Variants in ARSB observed in about 807,000 individuals in gnomAD.
ARSB encodes N-acetylgalactosamine-4-sulfatase.
ARSB carries 41 observed loss-of-function variants against 50.9 expected under a neutral mutation model. That is an observed-to-expected ratio of 0.81 (90% CI 0.63 to 1.04). ARSB has a LOEUF of 1.04. ARSB is among the 50% of genes least tolerant of loss of function. The pLI, the probability that ARSB is intolerant of heterozygous loss-of-function variation, is 0.00. For synonymous variants in ARSB, 269 were observed against 284.8 expected (o/e 0.94, Z 0.56); for missense variants, 672 against 693.3 (o/e 0.97, Z 0.35).
chr5:78,967,736 G>A (rs1165164141), intron 2 of ARSB, among the ~76,000 whole-genome samples: 1 of 151,144 alleles, frequency 6.6e-6, no homozygotes, highest in African/African-American at 2.4e-5. Context: ...CTAGAGCCAT[G>A]CAACTTTTCT....
intron 4 of ARSB, among the ~76,000 whole-genome samples, chr5:78,920,949 C>T (rs1164338110): frequency 1.3e-5 from 2 of 152,150 alleles, no homozygotes; most frequent in African/African-American, 4.8e-5. Flanking sequence ...GATTTACAAA[C>T]TCCTGGATCA....
chr5:78,985,026 G>C lies in ARSB; in HGVS notation c.223C>G (p.Leu75Val). 2.6e-6 allele frequency: 4 copies of C among 1,541,814 alleles called. No individual in the cohort carries two copies. Among genetic ancestry groups the C allele is most frequent in the Non-Finnish European group, 3.5e-6 (4 of 1,146,410 alleles). Residue 75 changes from leucine to valine, a missense_variant, in exon 1 of 8, where the codon CTG (leucine) becomes GTG (valine). Coordinates refer to ENST00000264914, the MANE Select transcript of ARSB (RefSeq NM_000046.5). ...SRIRTPHLDA[L>V]AAGGVLLDNY... ...TCCAGGAGCACCCCGCCGGCCGCCA[G>C]CGCGTCCAGGTGCGGCGTGCGGATG...
intron 4 of ARSB, among the ~76,000 whole-genome samples, chr5:78,911,276 C>T (rs182158903): frequency 1.0e-3 from 154 of 152,132 alleles, no homozygotes; most frequent in African/African-American, 3.6e-3. Flanking sequence ...TGGGTCTAGA[C>T]CTGATACCAG....
chr5:78,940,777 G>A (rs567865343), intron 4 of ARSB, among the ~76,000 whole-genome samples: 1 of 152,100 alleles, frequency 6.6e-6, no homozygotes, highest in African/African-American at 2.4e-5. Flanking sequence ...GGCTCATTTT[G>A]GTTCCATATG....
chr5:78,841,732 C>T (rs1253766040), intron 5 of ARSB, among the ~76,000 whole-genome samples: 1 of 152,052 alleles, frequency 6.6e-6, no homozygotes, highest in African/African-American at 2.4e-5. Flanking sequence ...AGAAGAGTCA[C>T]AGGTATTTTA....
At chr5:78,782,164 A>C (rs1418674469) in intron 6 of ARSB, among the ~76,000 whole-genome samples, 190 bp from the exon 7 acceptor site, 1 of 152,230 alleles carries the variant, frequency 6.6e-6, no homozygotes, top group Non-Finnish European at 1.5e-5. Flanking sequence ...GTCAGTCATA[A>C]ACCACCGCAA....
intron 1 of ARSB, among the ~76,000 whole-genome samples, chr5:78,974,028 T>C (rs1752563612): frequency 6.6e-6 from 1 of 151,782 alleles, no homozygotes; most frequent in South Asian, 2.1e-4. Context: ...AAAGCAGGAG[T>C]TCAGAATTTC....
At chr5:78,824,100 A>G (rs573253786) in intron 6 of ARSB, among the ~76,000 whole-genome samples, 29 of 152,298 alleles carry the variant, frequency 1.9e-4, no homozygotes, top group Non-Finnish European at 1.9e-4. Context: ...CACTCTTGCC[A>G]TGTGCATACC....
Position 78,885,783 on chromosome 5 carries a change from G to A in ARSB, c.943C>T (p.Arg315Ter), listed in dbSNP as rs891298440. 6 of 1,614,066 alleles carry A rather than the reference G, an allele frequency of 3.7e-6. No individual in the cohort carries two copies. Among genetic ancestry groups the A allele is most frequent in the African/African-American group, 1.3e-5 (1 of 75,006 alleles). Residue 315 changes from arginine (R) to a stop codon, truncating the protein, a stop_gained, in exon 5 of 8, where the codon CGA becomes TGA. Transcript: ENST00000264914. LOFTEE classifies it high-confidence loss of function. The stretch of plus-strand genomic sequence containing the variant: ...TCCCACAGGCTCCATTTTCTTCCTC[G>A]AAGGGGCCAGTTATTACCCCCTGCC... ...TLAGGNNWPL[R>*]GRKWSLWEGG... is the part of the protein sequence containing the mutation.
intron 5 of ARSB, among the ~76,000 whole-genome samples, chr5:78,877,341 A>G (rs994669793): frequency 1.3e-5 from 2 of 152,174 alleles, no homozygotes; most frequent in African/African-American, 4.8e-5. Flanking sequence ...ACTGTTTCCA[A>G]ATAACTTAAC....
intron 6 of ARSB, among the ~76,000 whole-genome samples, chr5:78,798,689 A>T (rs1743268501): frequency 6.6e-6 from 1 of 152,234 alleles, no homozygotes; most frequent in African/African-American, 2.4e-5. Flanking sequence ...CTTAATTTGG[A>T]AAAAGGGCCC....
chr5:78,885,995 C>A (rs1748017585), intron 4 of ARSB, among the ~76,000 whole-genome samples, 168 bp from the exon 5 acceptor site: 1 of 152,186 alleles, frequency 6.6e-6, no homozygotes, highest in South Asian at 2.1e-4. Context: ...CATAGCCTTT[C>A]ATTATTCAGA....
intron 6 of ARSB, among the ~76,000 whole-genome samples, chr5:78,808,680 C>G (rs1265877872): frequency 6.6e-6 from 1 of 152,174 alleles, no homozygotes; most frequent in African/African-American, 2.4e-5. Flanking sequence ...CCCTAATTTC[C>G]GGAGCCACAG....
At chr5:78,967,333 T>G (rs1473707327) in intron 2 of ARSB, among the ~76,000 whole-genome samples, 1 of 152,218 alleles carries the variant, frequency 6.6e-6, no homozygotes, top group African/African-American at 2.4e-5. Context: ...GTAAATAATG[T>G]AACTCTTATA....
intron 4 of ARSB, among the ~76,000 whole-genome samples, chr5:78,908,601 G>A (rs534722416): frequency 6.6e-6 from 1 of 152,184 alleles, no homozygotes; most frequent in South Asian, 2.1e-4. Context: ...AGGGATTAGA[G>A]AGCATTCTCA....
intron 1 of ARSB, among the ~76,000 whole-genome samples, chr5:78,983,873 T>C (rs1455440847): frequency 6.6e-5 from 10 of 152,188 alleles, no homozygotes; most frequent in Non-Finnish European, 1.5e-4. Context: ...ATATATCCCC[T>C]GTCAGTAGCA....
intron 4 of ARSB, among the ~76,000 whole-genome samples, chr5:78,899,242 C>A (rs1278584021): frequency 6.6e-6 from 1 of 152,152 alleles, no homozygotes; most frequent in Non-Finnish European, 1.5e-5. Flanking sequence ...TTAGGATCCT[C>A]TCTTTGTCCT....
chr5:78,827,043 A>G (rs1744462837), intron 6 of ARSB, among the ~76,000 whole-genome samples: 1 of 152,192 alleles, frequency 6.6e-6, no homozygotes, highest in Non-Finnish European at 1.5e-5. Flanking sequence ...AACAGAGTCC[A>G]GATAGTGACA....
chr5:78,808,918 T>G (rs1368326576), intron 6 of ARSB, among the ~76,000 whole-genome samples: 1 of 152,224 alleles, frequency 6.6e-6, no homozygotes, highest in Non-Finnish European at 1.5e-5. Flanking sequence ...CGCCAATATG[T>G]GTTAGCTGTG....
Sources: gnomAD v4.1 joint callset for allele counts (sites outside exome capture counted in the v4.1 genomes callset) on GRCh38, gnomAD v4.1.1 for gene constraint, MANE v1.5 for transcripts, NCBI Gene and HGNC (gene_info 2026-07-23, HGNC 2026-07-21) for gene names.